Variants in BMP6 observed in about 807,000 individuals in gnomAD.
BMP6 encodes the protein VG-1-R.
A neutral mutation model predicts 54.1 loss-of-function variants in BMP6; 17 were observed. That is an observed-to-expected ratio of 0.31 (90% confidence interval 0.22 to 0.47). The LOEUF (loss-of-function observed/expected upper bound fraction) is 0.47, where lower values mean the gene tolerates loss of function less well. Ranked by LOEUF, BMP6 falls within the 20% of genes least tolerant of loss-of-function variation. The probability of loss-of-function intolerance (pLI) is 1.00; values close to 1 mark genes in which losing one functional copy is unlikely to be tolerated. For missense variants in BMP6, 720 were observed against 690.4 expected (o/e 1.04, Z -0.48); for synonymous variants, 328 against 291.2 (o/e 1.13, Z -1.28).
Position 7,805,548 on chromosome 6 carries a change from T to G in BMP6, c.665-39592T>G, listed in dbSNP as rs73719323. On this transcript the variant is annotated intron_variant, in intron 1 of 6. Transcript: ENST00000283147. Reference sequence around the variant, plus strand: ...TTAATGGTTTAGGACGGATGGAATTTTAATTGTATAGATGCAGCAGATCCT... The same window carrying G: ...TTAATGGTTTAGGACGGATGGAATTGTAATTGTATAGATGCAGCAGATCCT... 3.3e-3 allele frequency among the ~76,000 whole-genome samples: 503 copies of G among 152,348 alleles called. 5 individuals are homozygous for G. Among genetic ancestry groups the G allele is most frequent in the African/African-American group, 0.012 (479 of 41,578 alleles).
At chr6:7,797,672 T>G (rs1201716673) in intron 1 of BMP6, among the ~76,000 whole-genome samples, 2 of 152,186 alleles carry the variant, frequency 1.3e-5, no homozygotes, top group African/African-American at 4.8e-5. Context: ...TAAATCTCTT[T>G]CTTGGAGTGC....
intron 1 of BMP6, among the ~76,000 whole-genome samples, chr6:7,760,734 C>T (rs548366617): frequency 2.0e-5 from 3 of 152,288 alleles, no homozygotes; most frequent in South Asian, 4.1e-4. Flanking sequence ...TCCCAAAGTG[C>T]GGGGATTACA....
chr6:7,869,937 T>C, intron 4 of BMP6, among the ~76,000 whole-genome samples: 1 of 152,164 alleles, frequency 6.6e-6, no homozygotes, highest in South Asian at 2.1e-4. Context: ...AGCTGCAGCA[T>C]GTACCCCTGA....
chr6:7,863,523 G>A (rs1759369447), intron 4 of BMP6, among the ~76,000 whole-genome samples: 1 of 152,192 alleles, frequency 6.6e-6, no homozygotes, highest in East Asian at 1.9e-4. Flanking sequence ...CACGACTCCG[G>A]TTGGCTTGGC....
chr6:7,732,836 A>G (rs1335591356), intron 1 of BMP6, among the ~76,000 whole-genome samples: 2 of 152,196 alleles, frequency 1.3e-5, no homozygotes, highest in African/African-American at 2.4e-5. Context: ...TAACTTTTTC[A>G]CAAACCAATC....
rs746635386 is a variant in BMP6 at position 7,727,244 on chromosome 6, C to T, written c.289C>T (p.His97Tyr). The T allele has an allele frequency of 1.2e-5, 20 of 1,606,442 alleles. No individual in the cohort carries two copies. Among genetic ancestry groups the T allele is most frequent in the Middle Eastern group, 1.7e-4 (1 of 6,018 alleles). ...LGLPHRPRPL[H>Y]GLQQPQPPAL... ...GCTCCCGCACCGGCCCCGGCCCCTG[C>T]ACGGCCTCCAACAGCCGCAGCCCCC... The change falls in exon 1 of 7, where the codon CAC becomes TAC. Residue 97 changes from histidine to tyrosine, a missense_variant. Transcript: ENST00000283147.
intron 2 of BMP6, among the ~76,000 whole-genome samples, chr6:7,858,876 C>T (rs1191763415): frequency 2.6e-5 from 4 of 151,208 alleles, no homozygotes; most frequent in East Asian, 1.9e-4. Flanking sequence ...TTTCAAGGCT[C>T]GGCCACTAGA....
intron 1 of BMP6, among the ~76,000 whole-genome samples, chr6:7,736,473 C>T (rs1761956574): frequency 6.6e-6 from 1 of 152,062 alleles, no homozygotes; most frequent in African/African-American, 2.4e-5. Flanking sequence ...TCGTACTGGC[C>T]CTAAGGGCAG....
intron 1 of BMP6, among the ~76,000 whole-genome samples, chr6:7,763,272 C>T (rs270375): frequency 0.6 from 91,799 of 151,942 alleles, 29,062 homozygotes; most frequent in Non-Finnish European, 0.72. Context: ...GCACAACATA[C>T]CCCTTTACTT....
intron 1 of BMP6, among the ~76,000 whole-genome samples, chr6:7,827,206 TG>T (rs1314092929): frequency 6.6e-6 from 1 of 152,062 alleles, no homozygotes. Context: ...AGCCCCACCC[TG>T]TGCCCTCCCT....
intron 1 of BMP6, among the ~76,000 whole-genome samples, chr6:7,793,986 C>T (rs1758151838): frequency 6.6e-6 from 1 of 152,200 alleles, no homozygotes; most frequent in Non-Finnish European, 1.5e-5. Flanking sequence ...TGCCAGCTGC[C>T]TATTCCCCAG....
chr6:7,758,282 C>G (rs757087445), intron 1 of BMP6, among the ~76,000 whole-genome samples: 3 of 152,196 alleles, frequency 2.0e-5, no homozygotes, highest in Non-Finnish European at 4.4e-5. Flanking sequence ...GAGTAGCCAC[C>G]AGACTTAGAC....
At chr6:7,807,806 C>T (rs1758369334) in intron 1 of BMP6, among the ~76,000 whole-genome samples, 1 of 151,972 alleles carries the variant, frequency 6.6e-6, no homozygotes, top group Non-Finnish European at 1.5e-5. Context: ...TTCCATTACA[C>T]TTCAGGTACA....
chr6:7,840,272 G>A (rs953472627), intron 1 of BMP6, among the ~76,000 whole-genome samples: 1 of 152,180 alleles, frequency 6.6e-6, no homozygotes, highest in Non-Finnish European at 1.5e-5. Context: ...GTTTTAAAGG[G>A]CAGGGGAGTG....
At chr6:7,817,605 A>G (rs1027159737) in intron 1 of BMP6, among the ~76,000 whole-genome samples, 5 of 151,860 alleles carry the variant, frequency 3.3e-5, no homozygotes, top group Admixed American at 1.3e-4. Context: ...GGATAGCATT[A>G]GGAGATATAC....
intron 1 of BMP6, among the ~76,000 whole-genome samples, chr6:7,831,330 G>T (rs1263777860): frequency 6.6e-6 from 1 of 152,188 alleles, no homozygotes; most frequent in Non-Finnish European, 1.5e-5. Context: ...TTTGCTTCAT[G>T]GGCTTTGTGT....
chr6:7,753,259 A>G (rs1012546869), intron 1 of BMP6, among the ~76,000 whole-genome samples: 11 of 152,236 alleles, frequency 7.2e-5, no homozygotes, highest in African/African-American at 1.9e-4. Context: ...ACCTTTGCTC[A>G]GCACTTTCTC....
intron 1 of BMP6, among the ~76,000 whole-genome samples, chr6:7,777,703 A>G (rs2113163829): frequency 6.6e-6 from 1 of 152,102 alleles, no homozygotes; most frequent in African/African-American, 2.4e-5. Flanking sequence ...AGGGAGAAAA[A>G]GCTGAAAGTA....
intron 1 of BMP6, among the ~76,000 whole-genome samples, chr6:7,826,345 C>T (rs769293390): frequency 6.6e-6 from 1 of 152,172 alleles, no homozygotes; most frequent in Non-Finnish European, 1.5e-5. Flanking sequence ...ATTGATCTCC[C>T]AGGTGGCTTC....
Sources: gnomAD v4.1 joint callset for allele counts (sites outside exome capture counted in the v4.1 genomes callset) on GRCh38, gnomAD v4.1.1 for gene constraint, MANE v1.5 for transcripts, NCBI Gene and HGNC (gene_info 2026-07-23, HGNC 2026-07-21) for gene names.